The following IMPA2 variants were observed in gnomAD, a reference collection of about 807,000 sequenced individuals.
IMPA2 encodes IMP 2.
In IMPA2, 32 loss-of-function variants were observed where a neutral mutation model predicts 35.1. The ratio of observed to expected loss-of-function variants is 0.91; its 90% CI spans 0.69 to 1.23. The LOEUF (loss-of-function observed/expected upper bound fraction) is 1.23. IMPA2 is among the 50% of genes most tolerant of loss of function. The pLI, the probability that IMPA2 is intolerant of heterozygous loss-of-function variation, is 0.00. For synonymous variants in IMPA2, 135 were observed against 160.6 expected, an observed-to-expected ratio of 0.84 and a Z score of 1.20; for missense variants, 334 against 387.6, an observed-to-expected ratio of 0.86 and a Z score of 1.16.
At position 12,027,660 on chromosome 18, in the gene IMPA2, T is replaced by C. The variant is rs1907919845; in HGVS notation, c.491-383T>C. On this transcript the variant is annotated intron_variant, in intron 5 of 7. Coordinates refer to ENST00000269159, the MANE Select transcript of IMPA2 (RefSeq NM_014214.3). ...GCGCAATCATGGCTGACAGCAGCCT[T>C]GAACCCCTGGGCTCAACCAATCCTC... is the stretch of plus-strand genomic sequence containing the variant. 2.0e-5 allele frequency among the ~76,000 whole-genome samples: 3 copies of C among 149,732 alleles called. No individual in the cohort carries two copies. The South Asian group carries it at 6.3e-4, about 32-fold the overall frequency.
At chr18:12,026,693 T>C (rs1907889989) in intron 5 of IMPA2, among the ~76,000 whole-genome samples, 1 of 152,092 alleles carries the variant, frequency 6.6e-6, no homozygotes, top group African/African-American at 2.4e-5. Flanking sequence ...GGGTAAGGAA[T>C]GGAAGGGTTG....
At chr18:11,983,939 C>T (rs1906579895) in intron 1 of IMPA2, among the ~76,000 whole-genome samples, 1 of 152,124 alleles carries the variant, frequency 6.6e-6, no homozygotes, top group Admixed American at 6.5e-5. Flanking sequence ...TTTTGGAGTT[C>T]TCCTTAGTGA....
intron 5 of IMPA2, among the ~76,000 whole-genome samples, chr18:12,022,562 T>G (rs1907763480): frequency 6.8e-6 from 1 of 146,234 alleles, no homozygotes; most frequent in African/African-American, 2.5e-5. Flanking sequence ...TATATTTGTG[T>G]GTGTGTGTGC....
chr18:11,989,794 T>C (rs1253941092), intron 1 of IMPA2, among the ~76,000 whole-genome samples: 1 of 152,046 alleles, frequency 6.6e-6, no homozygotes, highest in Non-Finnish European at 1.5e-5. Flanking sequence ...GGCCCTGAGC[T>C]TGTCACTTGC....
intron 5 of IMPA2, among the ~76,000 whole-genome samples, chr18:12,020,409 T>C (rs574120047): frequency 9.2e-5 from 14 of 152,344 alleles, no homozygotes; most frequent in Admixed American, 8.5e-4. Flanking sequence ...GTCAGGCTGG[T>C]CTCGAACTCC....
Position 11,988,001 on chromosome 18 carries a change from C to CTTTTTT in IMPA2, c.96+6253_96+6258dup, listed in dbSNP as rs71172043. On this transcript the variant is annotated intron_variant, in intron 1 of 7. Transcript: ENST00000269159. Reference sequence around the variant, plus strand: ...GAAGTTAAATGCACATGTTTATTGGCTTTTTTTTTTTTTTTTTTTTTTGAG... The same window carrying CTTTTTT: ...GAAGTTAAATGCACATGTTTATTGGCTTTTTTTTTTTTTTTTTTTTTTTTTTTTGAG... Among the ~76,000 whole-genome samples, 16 of 101,856 alleles carry CTTTTTT rather than the reference C, an allele frequency of 1.6e-4. 1 individual carries two copies. Among genetic ancestry groups the CTTTTTT allele is most frequent in the Non-Finnish European group, 1.8e-4 (10 of 55,494 alleles). The allele number at this position is 101,856 out of a possible 152,430, so 66.8% of individuals were successfully genotyped here. A position where few individuals can be genotyped will look rare whatever the true frequency, so the allele number is the denominator to read the frequency against.
intron 4 of IMPA2, among the ~76,000 whole-genome samples, chr18:12,012,850 C>G (rs1456676833): frequency 6.6e-6 from 1 of 152,208 alleles, no homozygotes; most frequent in Non-Finnish European, 1.5e-5. Flanking sequence ...TGCTTCAGAG[C>G]AGCATTTGTG....
chr18:11,982,957 A>G (rs1276601693), intron 1 of IMPA2, among the ~76,000 whole-genome samples: 1 of 152,168 alleles, frequency 6.6e-6, no homozygotes, highest in African/African-American at 2.4e-5. Flanking sequence ...GACTGTTATC[A>G]ATCTTAAATT....
intron 1 of IMPA2, among the ~76,000 whole-genome samples, chr18:11,996,335 G>A (rs899858431): frequency 1.9e-4 from 29 of 152,190 alleles, no homozygotes; most frequent in Non-Finnish European, 4.3e-4. Flanking sequence ...GCAGCGGGAA[G>A]CCGTTGGATC....
intron 5 of IMPA2, among the ~76,000 whole-genome samples, chr18:12,021,466 A>C (rs1907727839): frequency 1.4e-5 from 2 of 147,898 alleles, no homozygotes; most frequent in African/African-American, 5.0e-5. Flanking sequence ...AGCTTGTGCC[A>C]CAGGCATGTT....
intron 1 of IMPA2, among the ~76,000 whole-genome samples, chr18:11,989,191 C>T (rs896888541): frequency 3.9e-5 from 6 of 152,192 alleles, no homozygotes; most frequent in Admixed American, 2.6e-4. Context: ...TCCCATTTTC[C>T]TCCTTGGGAG....
chr18:12,020,031 A>G (rs1021317880), intron 5 of IMPA2, among the ~76,000 whole-genome samples: 1 of 151,996 alleles, frequency 6.6e-6, no homozygotes, highest in African/African-American at 2.4e-5. Context: ...ATGCACCACC[A>G]TGCCCAGCTA....
intron 7 of IMPA2, among the ~76,000 whole-genome samples, chr18:12,029,317 T>C (rs1321588100): frequency 2.0e-5 from 3 of 151,940 alleles, no homozygotes; most frequent in Non-Finnish European, 4.4e-5. Context: ...GGTTTCATGG[T>C]GTCAGCCAGG....
intron 2 of IMPA2, among the ~76,000 whole-genome samples, chr18:12,006,119 A>G (rs945839616): frequency 2.6e-5 from 4 of 152,248 alleles, no homozygotes; most frequent in African/African-American, 9.6e-5. Flanking sequence ...ATGGAAAAAC[A>G]GATTTAGTGC....
chr18:12,020,514 A>G (rs948740543), intron 5 of IMPA2, among the ~76,000 whole-genome samples: 18 of 152,056 alleles, frequency 1.2e-4, no homozygotes, highest in African/African-American at 4.3e-4. Flanking sequence ...ATTGTAGAAG[A>G]GTTTTCTTGA....
intron 3 of IMPA2, among the ~76,000 whole-genome samples, chr18:12,011,679 G>A (rs769903645): frequency 7.9e-5 from 12 of 152,236 alleles, no homozygotes; most frequent in East Asian, 1.9e-4. Flanking sequence ...GTCTGCAGCC[G>A]TGGCTGTCCC....
At chr18:12,027,156 G>T (rs1046907936) in intron 5 of IMPA2, among the ~76,000 whole-genome samples, 1 of 152,176 alleles carries the variant, frequency 6.6e-6, no homozygotes, top group African/African-American at 2.4e-5. Flanking sequence ...GCACTGTCCT[G>T]CCCGGGCAGT....
intron 5 of IMPA2, among the ~76,000 whole-genome samples, chr18:12,024,007 A>G (rs1156902539): frequency 6.6e-6 from 1 of 152,218 alleles, no homozygotes; most frequent in African/African-American, 2.4e-5. Context: ...ATCTCGAAAA[A>G]AATCAGTATG....
chr18:11,999,326 C>T lies in IMPA2; in HGVS notation c.230+139C>T, dbSNP rs79428302. On this transcript the variant is annotated intron_variant, in intron 2 of 7. Transcript: ENST00000269159. ...GCCCTAAGCCACGCAGCCTAACCTG[C>T]GATTTGTCAGTTACTTAGTAAGCAA... 1.2e-3 allele frequency: 826 copies of T among 679,588 alleles called. 3 individuals carry two copies. Among genetic ancestry groups the T allele is most frequent in the African/African-American group, 0.012 (632 of 54,218 alleles). The allele number at this position is 679,588 out of a possible 1,614,324, so 42.1% of individuals were successfully genotyped here. A position where few individuals can be genotyped will look rare whatever the true frequency, so the allele number is the denominator to read the frequency against.
Sources: gnomAD v4.1 joint callset for allele counts (sites outside exome capture counted in the v4.1 genomes callset) on GRCh38, gnomAD v4.1.1 for gene constraint, MANE v1.5 for transcripts, NCBI Gene and HGNC (gene_info 2026-07-23, HGNC 2026-07-21) for gene names.